Variants in CSMD1 observed in about 807,000 individuals in gnomAD.
The protein encoded by CSMD1 is CUB and Sushi multiple domains 1.
Under a neutral mutation model 417.5 loss-of-function variants are expected in CSMD1, and 213 were observed. That is an observed-to-expected ratio of 0.51 (90% CI 0.46 to 0.57). The LOEUF (loss-of-function observed/expected upper bound fraction) is 0.57, where lower values mean the gene tolerates loss of function less well. Among genes scored for constraint, CSMD1 ranks in the 20% least tolerant of loss-of-function variants. The probability of loss-of-function intolerance (pLI) is 0.00; values close to 1 mark genes in which losing one functional copy is unlikely to be tolerated. For missense variants in CSMD1, 6,923 were observed against 4,529.7 expected (o/e 1.53, Z -15.17); for synonymous variants, 2,862 against 1,736.8 (o/e 1.65, Z -16.11).
At chr8:3,384,606 A>T (rs879232637) in intron 18 of CSMD1, among the ~76,000 whole-genome samples, 1 of 146,578 alleles carries the variant, frequency 6.8e-6, no homozygotes, top group Non-Finnish European at 1.5e-5. Context: ...TTCCAAATTA[A>T]TTTTTAAATA....
chr8:4,023,455 G>A (rs985119401), intron 4 of CSMD1, among the ~76,000 whole-genome samples: 3 of 152,146 alleles, frequency 2.0e-5, no homozygotes, highest in Admixed American at 6.5e-5. Context: ...TAGACTCTGG[G>A]TTGAGTAGCA....
intron 5 of CSMD1, among the ~76,000 whole-genome samples, chr8:3,949,336 A>T (rs545236956): frequency 3.1e-4 from 47 of 152,270 alleles, no homozygotes; most frequent in African/African-American, 1.1e-3. Flanking sequence ...GTAGCCTCTG[A>T]CCAAGATCTC....
chr8:4,211,726 G>C (rs1459380374), intron 3 of CSMD1, among the ~76,000 whole-genome samples: 1 of 152,136 alleles, frequency 6.6e-6, no homozygotes, highest in Non-Finnish European at 1.5e-5. Flanking sequence ...TTTGCAAGTG[G>C]GGAGTTGACA....
At chr8:3,802,720 T>A (rs1489863268) in intron 5 of CSMD1, among the ~76,000 whole-genome samples, 1 of 152,212 alleles carries the variant, frequency 6.6e-6, no homozygotes, top group African/African-American at 2.4e-5. Flanking sequence ...AATTTTAATT[T>A]ATTTTAATTA....
At chr8:4,139,648 G>C (rs961736179) in intron 3 of CSMD1, among the ~76,000 whole-genome samples, 2 of 151,198 alleles carry the variant, frequency 1.3e-5, no homozygotes, top group South Asian at 2.1e-4. Context: ...ACCAGCAGAT[G>C]CAAGGGCAAA....
chr8:3,808,574 T>C (rs1346962323), intron 5 of CSMD1, among the ~76,000 whole-genome samples: 1 of 152,206 alleles, frequency 6.6e-6, no homozygotes, highest in Non-Finnish European at 1.5e-5. Flanking sequence ...GGGAGAATCC[T>C]CATGTTTGAA....
At chr8:3,609,302 C>T (rs1476008523) in intron 8 of CSMD1, among the ~76,000 whole-genome samples, 1 of 152,134 alleles carries the variant, frequency 6.6e-6, no homozygotes, top group Admixed American at 6.6e-5. Context: ...GAGCTCCCTC[C>T]CTCAGATATT....
intron 2 of CSMD1, among the ~76,000 whole-genome samples, chr8:4,465,728 T>C (rs942933444): frequency 1.3e-5 from 2 of 152,170 alleles, no homozygotes; most frequent in Non-Finnish European, 2.9e-5. Context: ...GATGCTGGTG[T>C]TTGGAGGAAC....
intron 5 of CSMD1, among the ~76,000 whole-genome samples, chr8:3,760,168 T>C (rs1041303137): frequency 1.1e-4 from 16 of 152,152 alleles, no homozygotes; most frequent in Admixed American, 1.0e-3. Context: ...ACATGCCCTA[T>C]TTCTGGAGCA....
chr8:4,138,468 C>G (rs1803574434), intron 3 of CSMD1, among the ~76,000 whole-genome samples: 1 of 152,024 alleles, frequency 6.6e-6, no homozygotes, highest in Non-Finnish European at 1.5e-5. Flanking sequence ...GGAGGAAATG[C>G]CTACAAGTGC....
intron 3 of CSMD1, among the ~76,000 whole-genome samples, chr8:4,271,195 T>C (rs183305260): frequency 3.3e-5 from 5 of 152,246 alleles, no homozygotes; most frequent in South Asian, 2.1e-4. Flanking sequence ...TATGGATAGA[T>C]GTAAACATAT....
At chr8:3,462,681 T>C (rs953660170) in intron 12 of CSMD1, among the ~76,000 whole-genome samples, 2 of 152,162 alleles carry the variant, frequency 1.3e-5, no homozygotes, top group Non-Finnish European at 2.9e-5. Flanking sequence ...ATAATAGAAA[T>C]AAAGTGCACA....
chr8:4,137,918 C>A (rs184193922), intron 3 of CSMD1, among the ~76,000 whole-genome samples: 22 of 151,904 alleles, frequency 1.4e-4, no homozygotes, highest in Middle Eastern at 3.4e-3. Flanking sequence ...CGCTCTGTCG[C>A]CCAGGTTGGA....
At chr8:4,604,829 G>A (rs150186483) in intron 2 of CSMD1, among the ~76,000 whole-genome samples, 36 of 152,178 alleles carry the variant, frequency 2.4e-4, no homozygotes, top group African/African-American at 8.7e-4. Context: ...TTCAGCCAAG[G>A]ATCTGTCAGT....
chr8:3,852,433 G>C (rs774089411), intron 5 of CSMD1, among the ~76,000 whole-genome samples: 2 of 152,166 alleles, frequency 1.3e-5, no homozygotes, highest in Admixed American at 6.5e-5. Context: ...TGCTGGTCAA[G>C]ACGTCGGGAA....
rs889775751 is a variant in CSMD1 at position 4,670,552 on chromosome 8, C to T, written c.86-32994G>A. On this transcript the variant is annotated intron_variant, in intron 1 of 69. Transcript: ENST00000635120. ...GGGATACTGTGTCTTATATTCTGAT[C>T]GTTACCCTTAATATAAAAATAAAGC... Among the ~76,000 whole-genome samples, 8 of 152,234 alleles carry T rather than the reference C, an allele frequency of 5.3e-5. No homozygotes were observed. In the South Asian group the frequency reaches 6.2e-4, roughly 12 times the overall value.
chr8:3,515,250 A>G (rs1355707105), intron 10 of CSMD1: 1 of 152,230 alleles, frequency 6.6e-6, no homozygotes, highest in Non-Finnish European at 1.5e-5. Flanking sequence ...CTTAATATAA[A>G]TAACAGCACT....
In CSMD1 at chr8:3,613,398, T is replaced by C. The variant is rs996486398; in HGVS notation, c.1097+3312A>G. On this transcript the variant is annotated intron_variant, in intron 8 of 69. Coordinates refer to ENST00000635120, the MANE Select transcript of CSMD1 (RefSeq NM_033225.6). ...TGGTATTCCAGAGAAGAGAACATTT[T>C]TCAATTAATTTTGAGACCATTTTTA... is the stretch of plus-strand genomic sequence containing the variant. 4.7e-5 allele frequency: 10 copies of C among 213,844 alleles called. No individual in the cohort carries two copies. In the Admixed American group the frequency reaches 5.2e-4, roughly 11 times the overall value. The allele number at this position is 213,844 out of a possible 1,614,324, so 13.2% of individuals were successfully genotyped here. A position where few individuals can be genotyped will look rare whatever the true frequency, so the allele number is the denominator to read the frequency against.
chr8:4,179,457 C>T (rs1798233928), intron 3 of CSMD1, among the ~76,000 whole-genome samples: 2 of 151,668 alleles, frequency 1.3e-5, no homozygotes, highest in Admixed American at 6.6e-5. Flanking sequence ...AAACGTTAGA[C>T]CTAAAACCAT....
Sources: allele counts gnomAD v4.1 joint callset (sites outside exome capture counted in the v4.1 genomes callset), GRCh38; gene constraint gnomAD v4.1.1; transcripts MANE v1.5; gene names NCBI Gene and HGNC (gene_info 2026-07-23, HGNC 2026-07-21).